Variants in TJP1 observed in about 807,000 individuals in gnomAD.
TJP1 encodes the protein tight junction protein ZO-1.
A neutral mutation model predicts 194.2 loss-of-function variants in TJP1; 43 were observed. The observed-to-expected ratio is 0.22, with a 90% confidence interval of 0.17 to 0.29. The LOEUF is 0.29. Among genes scored for constraint, TJP1 ranks in the 10% least tolerant of loss-of-function variants. The pLI is 1.00. For missense variants in TJP1, 1,971 were observed against 2,185.7 expected, an observed-to-expected ratio of 0.90 and a Z score of 1.96; for synonymous variants, 801 against 779.0, an observed-to-expected ratio of 1.03 and a Z score of -0.47.
chr15:29,703,450 C>G (rs552871156), intron 27 of TJP1, among the ~76,000 whole-genome samples: 2 of 151,680 alleles, frequency 1.3e-5, no homozygotes, highest in African/African-American at 4.8e-5. Context: ...AAAACCAAAT[C>G]AAAACAAACA....
chr15:29,949,631 TCCACCA>T (rs2055534839), intron 2 of TJP1, among the ~76,000 whole-genome samples: 1 of 20,646 alleles, frequency 4.8e-5, no homozygotes, highest in African/African-American at 2.2e-4. Context: ...CACCTCCACC[TCCACCA>T]CCTCCACCAC....
intron 8 of TJP1, among the ~76,000 whole-genome samples, chr15:29,753,661 T>C (rs1020191000): frequency 6.6e-6 from 1 of 152,040 alleles, no homozygotes; most frequent in African/African-American, 2.4e-5. Context: ...TGGTGCCGCC[T>C]GTTGATCACT....
chr15:29,726,999 CAGAA>C lies in TJP1; in HGVS notation c.2101-12_2101-9del. The C allele has an allele frequency of 6.2e-7, 1 of 1,610,796 alleles. No individual in the cohort carries two copies. Reference sequence around the variant, plus strand: ...TAATAAAGCATGTTTGTCCTAGAAACAGAAAGAAAAATATATACAAAGACACAAG... The same window carrying C: ...TAATAAAGCATGTTTGTCCTAGAAACAGAAAAATATATACAAAGACACAAG... On this transcript the variant is annotated splice_polypyrimidine_tract_variant and intron_variant, in intron 16 of 27. Transcript: ENST00000614355.
chr15:29,859,216 G>A (rs970211111), intron 2 of TJP1, among the ~76,000 whole-genome samples: 3 of 152,126 alleles, frequency 2.0e-5, no homozygotes, highest in Non-Finnish European at 4.4e-5. Context: ...CCTATATATA[G>A]AACAAAAGGT....
At chr15:29,732,953 T>A (rs372927777) in intron 13 of TJP1, 138 bp from the exon 14 acceptor site, 5 of 1,249,618 alleles carry the variant, frequency 4.0e-6, no homozygotes, top group East Asian at 2.5e-5. Context: ...TAAAGAGGAG[T>A]TTGTAAACCT....
chr15:29,760,629 G>T (rs553182401), intron 8 of TJP1, among the ~76,000 whole-genome samples: 27 of 151,980 alleles, frequency 1.8e-4, no homozygotes, highest in Non-Finnish European at 3.4e-4. Context: ...CGCCTGCCTC[G>T]GCCTCCCAAA....
At chr15:29,726,078 C>T (rs894277589) in intron 18 of TJP1, among the ~76,000 whole-genome samples, 3 of 152,176 alleles carry the variant, frequency 2.0e-5, no homozygotes, top group African/African-American at 7.2e-5. Context: ...TCAAAGTCAT[C>T]ATTCATAGCC....
chr15:29,845,002 C>T (rs2051356930), intron 2 of TJP1, among the ~76,000 whole-genome samples: 1 of 152,102 alleles, frequency 6.6e-6, no homozygotes, highest in Admixed American at 6.5e-5. Context: ...TGGAAGCCAA[C>T]TGCAGAACAT....
chr15:29,920,860 A>G (rs2054335182), intron 2 of TJP1, among the ~76,000 whole-genome samples: 1 of 152,194 alleles, frequency 6.6e-6, no homozygotes, highest in Non-Finnish European at 1.5e-5. Context: ...CTGTATTTCA[A>G]TAATATCTAA....
intron 1 of TJP1, among the ~76,000 whole-genome samples, chr15:29,818,026 C>T (rs964871150): frequency 3.3e-5 from 5 of 151,580 alleles, no homozygotes; most frequent in Admixed American, 2.6e-4. Context: ...AAAAAAAGCC[C>T]ACTGTGCTCC....
intron 2 of TJP1, among the ~76,000 whole-genome samples, chr15:29,922,700 T>C (rs2054404176): frequency 6.6e-6 from 1 of 152,074 alleles, no homozygotes; most frequent in Non-Finnish European, 1.5e-5. Context: ...TAAATGGTTA[T>C]TATAAACCAC....
intron 2 of TJP1, among the ~76,000 whole-genome samples, chr15:29,933,101 G>T (rs1043692396): frequency 6.6e-6 from 1 of 152,086 alleles, no homozygotes; most frequent in African/African-American, 2.4e-5. Context: ...CACACATTTT[G>T]TCAATATTTT....
At chr15:29,966,532 T>TAAATAATAAAA in intron 1 of TJP1, among the ~76,000 whole-genome samples, 1 of 151,994 alleles carries the variant, frequency 6.6e-6, no homozygotes, top group Admixed American at 6.5e-5. Context: ...AAATAATAAA[T>TAAATAATAAAA]AATTTTAAAC....
chr15:29,909,673 C>T (rs991347759), intron 2 of TJP1, among the ~76,000 whole-genome samples: 4 of 152,040 alleles, frequency 2.6e-5, no homozygotes, highest in South Asian at 2.1e-4. Flanking sequence ...CAAAGACCTG[C>T]TGCAGCCCTT....
intron 2 of TJP1, among the ~76,000 whole-genome samples, chr15:29,853,523 TAAC>T (rs2051726810): frequency 6.6e-6 from 1 of 152,202 alleles, no homozygotes; most frequent in African/African-American, 2.4e-5. Flanking sequence ...CACTTCTCTG[TAAC>T]AATTCTCATA....
chr15:29,776,470 C>A (rs8039450), intron 2 of TJP1, among the ~76,000 whole-genome samples: 93,852 of 151,970 alleles, frequency 0.62, 30,484 homozygotes, highest in East Asian at 0.73. Flanking sequence ...ATTTTAGTAG[C>A]CTTTTTAGGT....
At chr15:29,841,448 G>C (rs1033835834) in intron 2 of TJP1, among the ~76,000 whole-genome samples, 1 of 152,114 alleles carries the variant, frequency 6.6e-6, no homozygotes, top group Non-Finnish European at 1.5e-5. Flanking sequence ...CCTATACTTT[G>C]CAACACTTAG....
At chr15:29,834,664 T>C (rs2152054268) in intron 2 of TJP1, among the ~76,000 whole-genome samples, 1 of 152,302 alleles carries the variant, frequency 6.6e-6, no homozygotes, top group East Asian at 1.9e-4. Flanking sequence ...ACGGAAAGAA[T>C]GGACAGTAAA....
intron 8 of TJP1, among the ~76,000 whole-genome samples, chr15:29,755,372 T>C (rs917350638): frequency 2.0e-5 from 3 of 152,240 alleles, no homozygotes; most frequent in Non-Finnish European, 4.4e-5. Flanking sequence ...CTCAGCACTC[T>C]TGGAAAACTC....
Sources: allele counts gnomAD v4.1 joint callset (sites outside exome capture counted in the v4.1 genomes callset), GRCh38; gene constraint gnomAD v4.1.1; transcripts MANE v1.5; gene names NCBI Gene and HGNC (gene_info 2026-07-23, HGNC 2026-07-21).